The following FHOD3 variants were observed in gnomAD, a reference collection of about 807,000 sequenced individuals.
FHOD3 encodes the protein FH1/FH2 domain-containing protein 3.
FHOD3 carries 90 observed loss-of-function variants against 173.0 expected under a neutral mutation model. The observed-to-expected ratio is 0.52, with a 90% CI of 0.44 to 0.62. The LOEUF (loss-of-function observed/expected upper bound fraction) is 0.62, where lower values mean the gene tolerates loss of function less well. FHOD3 is among the 20% of genes least tolerant of loss of function. The pLI, the probability that FHOD3 is intolerant of heterozygous loss-of-function variation, is 0.00. For synonymous variants in FHOD3, 828 were observed against 823.0 expected (o/e 1.01, Z -0.10); for missense variants, 1,945 against 2,034.7 (o/e 0.96, Z 0.85).
chr18:36,695,331 G>A (rs1296965946), intron 17 of FHOD3, among the ~76,000 whole-genome samples: 1 of 150,014 alleles, frequency 6.7e-6, no homozygotes, highest in African/African-American at 2.5e-5. Flanking sequence ...CTGGGTGACA[G>A]AGTGAGACAC....
At chr18:36,339,912 A>G (rs1437799794) in intron 1 of FHOD3, among the ~76,000 whole-genome samples, 1 of 152,242 alleles carries the variant, frequency 6.6e-6, no homozygotes, top group African/African-American at 2.4e-5. Context: ...CAAATTATGT[A>G]GCTGGTCTGA....
At chr18:36,646,703 C>T (rs1295632871) in intron 10 of FHOD3, among the ~76,000 whole-genome samples, 1 of 152,158 alleles carries the variant, frequency 6.6e-6, no homozygotes, top group East Asian at 1.9e-4. Flanking sequence ...ATGGACTCTA[C>T]AAATGTAAAT....
chr18:36,328,420 A>G (rs945005035), intron 1 of FHOD3, among the ~76,000 whole-genome samples: 1 of 152,022 alleles, frequency 6.6e-6, no homozygotes, highest in African/African-American at 2.4e-5. Flanking sequence ...CATGTTTGAG[A>G]CACAGCTGGG....
chr18:36,572,174 C>T (rs2058475663), intron 5 of FHOD3, among the ~76,000 whole-genome samples: 1 of 152,156 alleles, frequency 6.6e-6, no homozygotes, highest in Non-Finnish European at 1.5e-5. Context: ...GTAATAAGTT[C>T]CATGAGTGGC....
intron 11 of FHOD3, among the ~76,000 whole-genome samples, chr18:36,651,762 A>G (rs996056356): frequency 6.6e-6 from 1 of 151,864 alleles, no homozygotes; most frequent in Non-Finnish European, 1.5e-5. Flanking sequence ...AAAAAAAAAA[A>G]TGTATATATT....
intron 5 of FHOD3, among the ~76,000 whole-genome samples, chr18:36,565,353 GT>G (rs1005860492): frequency 6.6e-6 from 1 of 152,262 alleles, no homozygotes; most frequent in Non-Finnish European, 1.5e-5. Context: ...TAATAGTTTT[GT>G]TTTGTTTTTC....
chr18:36,396,049 A>G (rs537594467), intron 3 of FHOD3, among the ~76,000 whole-genome samples: 119 of 152,304 alleles, frequency 7.8e-4, no homozygotes, highest in African/African-American at 2.8e-3. Context: ...TTTGCCATGT[A>G]TAATATCCTT....
chr18:36,419,692 C>T (rs1266646409), intron 3 of FHOD3, among the ~76,000 whole-genome samples: 5 of 152,154 alleles, frequency 3.3e-5, no homozygotes, highest in Non-Finnish European at 7.4e-5. Flanking sequence ...GTGAATGGGG[C>T]ATCTATAAAT....
intron 5 of FHOD3, among the ~76,000 whole-genome samples, chr18:36,560,797 A>G (rs371313574): frequency 6.9e-6 from 1 of 144,638 alleles, no homozygotes; most frequent in East Asian, 2.0e-4. Flanking sequence ...TTTCTTCTAT[A>G]GCTTTGTGTG....
intron 19 of FHOD3, among the ~76,000 whole-genome samples, chr18:36,726,097 A>G (rs1464054646): frequency 1.3e-5 from 2 of 151,366 alleles, no homozygotes; most frequent in Admixed American, 6.6e-5. Flanking sequence ...AAATAAAGGT[A>G]ACATATCTAT....
At chr18:36,725,842 T>C (rs187924769) in intron 19 of FHOD3, among the ~76,000 whole-genome samples, 97 of 152,362 alleles carry the variant, frequency 6.4e-4, no homozygotes, top group African/African-American at 2.2e-3. Flanking sequence ...TTTGTTAGAA[T>C]GTCCTGGACC....
chr18:36,631,512 A>G (rs2034511069), intron 10 of FHOD3, among the ~76,000 whole-genome samples: 1 of 152,246 alleles, frequency 6.6e-6, no homozygotes, highest in Non-Finnish European at 1.5e-5. Flanking sequence ...ATATAACAGT[A>G]ACAGCCACAA....
chr18:36,646,527 G>A (rs1459024607), intron 10 of FHOD3, among the ~76,000 whole-genome samples: 1 of 152,122 alleles, frequency 6.6e-6, no homozygotes, highest in Non-Finnish European at 1.5e-5. Flanking sequence ...AAAAAGTCCA[G>A]AAATCTACAA....
chr18:36,779,886 C>T lies in FHOD3; in HGVS notation c.*356C>T. ...TAATATGAGGCAATCTGATTAGCTT[C>T]ACAGACTGAGTCTCCACAACACCAA... On this transcript the variant is annotated 3_prime_UTR_variant, in exon 29 of 29. Coordinates refer to ENST00000590592, the MANE Select transcript of FHOD3 (RefSeq NM_001281740.3). 1 of 437,638 alleles carries T rather than the reference C, an allele frequency of 2.3e-6. No homozygotes were observed. The allele number at this position is 437,638 out of a possible 1,614,324, so 27.1% of individuals were successfully genotyped here. A position where few individuals can be genotyped will look rare whatever the true frequency, so the allele number is the denominator to read the frequency against.
intron 7 of FHOD3, among the ~76,000 whole-genome samples, chr18:36,601,755 C>A (rs895076318): frequency 2.0e-5 from 3 of 152,210 alleles, no homozygotes; most frequent in Admixed American, 1.3e-4. Context: ...CGCAAACCAC[C>A]AAGCCAAGAG....
At chr18:36,322,975 T>G (rs530132762) in intron 1 of FHOD3, among the ~76,000 whole-genome samples, 3 of 152,356 alleles carry the variant, frequency 2.0e-5, no homozygotes, top group African/African-American at 7.2e-5. Context: ...CCCTTTTGGC[T>G]GCCTGTTTTA....
chr18:36,602,836 T>G, intron 8 of FHOD3, 68 bp downstream of exon 8: 1 of 1,231,724 alleles, frequency 8.1e-7, no homozygotes, highest in Non-Finnish European at 1.2e-6. Flanking sequence ...TGACCCCTGG[T>G]ATCTGTGCTT....
intron 5 of FHOD3, among the ~76,000 whole-genome samples, chr18:36,525,216 T>A (rs976448544): frequency 3.3e-5 from 5 of 152,204 alleles, no homozygotes; most frequent in African/African-American, 1.2e-4. Flanking sequence ...GATTTTGGAA[T>A]CAGTCAGAGG....
intron 5 of FHOD3, among the ~76,000 whole-genome samples, chr18:36,539,453 G>C (rs1937046573): frequency 6.6e-6 from 1 of 152,204 alleles, no homozygotes; most frequent in African/African-American, 2.4e-5. Flanking sequence ...AGTGAGATGG[G>C]GGCCCAGTCA....
Sources: gnomAD v4.1 joint callset for allele counts (sites outside exome capture counted in the v4.1 genomes callset) on GRCh38, gnomAD v4.1.1 for gene constraint, MANE v1.5 for transcripts, NCBI Gene and HGNC (gene_info 2026-07-23, HGNC 2026-07-21) for gene names.